The following PHACTR3 variants were observed in gnomAD, a reference collection of about 807,000 sequenced individuals.
The protein encoded by PHACTR3 is phosphatase and actin regulator 3, also known as protein phosphatase 1, regulatory subunit 123.
Under a neutral mutation model 66.8 loss-of-function variants are expected in PHACTR3, and 16 were observed. That is an observed-to-expected ratio of 0.24 (90% confidence interval 0.16 to 0.36). The LOEUF (loss-of-function observed/expected upper bound fraction) is 0.36, where lower values mean the gene tolerates loss of function less well. Ranked by LOEUF, PHACTR3 falls within the 10% of genes least tolerant of loss-of-function variation. The pLI, the probability that PHACTR3 is intolerant of heterozygous loss-of-function variation, is 1.00. For missense variants in PHACTR3, 647 were observed against 719.9 expected (o/e 0.90, Z 1.16); for synonymous variants, 323 against 292.1 (o/e 1.11, Z -1.08).
intron 1 of PHACTR3, among the ~76,000 whole-genome samples, chr20:59,723,274 T>C (rs1397445312): frequency 6.6e-6 from 1 of 151,896 alleles, no homozygotes; most frequent in Non-Finnish European, 1.5e-5. Flanking sequence ...CCATGTCCAT[T>C]AAGTGCTCCC....
At chr20:59,695,905 G>T (rs1202248665) in intron 1 of PHACTR3, among the ~76,000 whole-genome samples, 1 of 151,982 alleles carries the variant, frequency 6.6e-6, no homozygotes, top group East Asian at 1.9e-4. Flanking sequence ...GCTAATTTCT[G>T]TATGTTTACT....
In PHACTR3 at chr20:59,674,019, C is replaced by T. The variant is rs535843486; in HGVS notation, c.118+68887C>T. On this transcript the variant is annotated intron_variant, in intron 1 of 12. Coordinates refer to ENST00000371015, the MANE Select transcript of PHACTR3 (RefSeq NM_080672.5). ...GCGCTGGTCTCCAGACCTGCCTGCC[C>T]GAGGAGTCGAGCTTCTGATGAAATT... is the stretch of plus-strand genomic sequence containing the variant. 3.2e-4 allele frequency among the ~76,000 whole-genome samples: 49 copies of T among 152,178 alleles called. No homozygotes were observed. In the South Asian group the frequency reaches 9.8e-3, roughly 30 times the overall value.
At chr20:59,813,065 C>T (rs1034637150) in intron 8 of PHACTR3, among the ~76,000 whole-genome samples, 80 of 152,282 alleles carry the variant, frequency 5.3e-4, no homozygotes, top group African/African-American at 1.7e-3. Context: ...GGCCAGTTTC[C>T]GGTGAATGTT....
chr20:59,604,976 C>A lies in PHACTR3; in HGVS notation c.-39C>A. On this transcript the variant is annotated 5_prime_UTR_variant, in exon 1 of 13. Transcript: ENST00000371015. Reference sequence around the variant, plus strand: ...GGCCGCCTCGGATGCTCTGATTCCACGCGGCTCGCTCTAACTTGCCCCCGC... The same window carrying A: ...GGCCGCCTCGGATGCTCTGATTCCAAGCGGCTCGCTCTAACTTGCCCCCGC... 1 of 1,263,586 alleles carries A rather than the reference C, an allele frequency of 7.9e-7. No individual in the cohort carries two copies. The allele number at this position is 1,263,586 out of a possible 1,614,324, so 78.3% of individuals were successfully genotyped here. A position where few individuals can be genotyped will look rare whatever the true frequency, so the allele number is the denominator to read the frequency against.
chr20:59,700,649 A>G (rs2037468782), intron 1 of PHACTR3, among the ~76,000 whole-genome samples: 1 of 152,322 alleles, frequency 6.6e-6, no homozygotes, highest in Non-Finnish European at 1.5e-5. Flanking sequence ...CTTACATGGT[A>G]TGAGAGTGAG....
chr20:59,822,767 C>G (rs904926270), intron 8 of PHACTR3, among the ~76,000 whole-genome samples: 1 of 152,234 alleles, frequency 6.6e-6, no homozygotes, highest in African/African-American at 2.4e-5. Context: ...ACCCTGCCTC[C>G]AGCTCCCAGC....
intron 5 of PHACTR3, among the ~76,000 whole-genome samples, chr20:59,767,775 C>T (rs1185672362): frequency 6.6e-6 from 1 of 152,014 alleles, no homozygotes; most frequent in Non-Finnish European, 1.5e-5. Context: ...CTTGGCTTGG[C>T]TTTTCTTTTT....
rs1459819686 is a variant in PHACTR3 at position 59,747,739 on chromosome 20, G to T, written c.281-19G>T. ...ACACCTTTGCCTGAGACTCACCTGTGTGTTTGTGTGTTGGGCAGCGCTGGA... is the reference window on the plus strand; with the variant it reads ...ACACCTTTGCCTGAGACTCACCTGTTTGTTTGTGTGTTGGGCAGCGCTGGA... On this transcript the variant is annotated intron_variant, in intron 2 of 12. Transcript: ENST00000371015. The T allele has an allele frequency of 1.9e-6, 3 of 1,612,896 alleles. No homozygotes were observed. Among genetic ancestry groups the T allele is most frequent in the African/African-American group, 1.3e-5 (1 of 74,930 alleles).
chr20:59,724,079 G>A (rs538842054), intron 1 of PHACTR3, among the ~76,000 whole-genome samples: 17 of 152,236 alleles, frequency 1.1e-4, no homozygotes, highest in African/African-American at 3.9e-4. Context: ...GCAGCTGCCC[G>A]GCCATAGTGC....
intron 1 of PHACTR3, among the ~76,000 whole-genome samples, chr20:59,739,267 C>T (rs2039064574): frequency 6.6e-6 from 1 of 152,122 alleles, no homozygotes; most frequent in Admixed American, 6.5e-5. Context: ...CAAGACATTC[C>T]TGGGCTTGTC....
intron 7 of PHACTR3, among the ~76,000 whole-genome samples, chr20:59,785,588 G>T (rs1465528803): frequency 6.6e-6 from 1 of 152,198 alleles, no homozygotes; most frequent in East Asian, 1.9e-4. Flanking sequence ...GGAGGAAGCG[G>T]GAGATGATTC....
At position 59,732,435 on chromosome 20, in the gene PHACTR3, A is replaced by G. The variant is rs577071826; in HGVS notation, c.119-10672A>G. Reference sequence around the variant, plus strand: ...AGGTTTTGGTGGCCTCCCTTTGGGCATTAAAATATAAGTTCTCCTAAAATT... The same window carrying G: ...AGGTTTTGGTGGCCTCCCTTTGGGCGTTAAAATATAAGTTCTCCTAAAATT... On this transcript the variant is annotated intron_variant, in intron 1 of 12. Transcript: ENST00000371015. 1.2e-4 allele frequency among the ~76,000 whole-genome samples: 19 copies of G among 152,318 alleles called. 1 individual carries two copies. Among genetic ancestry groups the G allele is most frequent in the Middle Eastern group, 3.4e-3 (1 of 294 alleles).
chr20:59,700,048 A>G (rs1483400546), intron 1 of PHACTR3, among the ~76,000 whole-genome samples: 2 of 152,246 alleles, frequency 1.3e-5, no homozygotes, highest in Non-Finnish European at 2.9e-5. Context: ...TCCCTGAGGC[A>G]ACCACTGTTA....
At chr20:59,767,093 TC>T in intron 4 of PHACTR3, 92 bp from the exon 5 acceptor site, 4 of 1,295,304 alleles carry the variant, frequency 3.1e-6, no homozygotes, top group Middle Eastern at 4.0e-4. Context: ...CTCTTCACGA[TC>T]CCATCCCACC....
At chr20:59,769,070 G>A (rs1204300356) in intron 5 of PHACTR3, among the ~76,000 whole-genome samples, 1 of 152,232 alleles carries the variant, frequency 6.6e-6, no homozygotes, top group Non-Finnish European at 1.5e-5. Context: ...CTCCCTGACA[G>A]AACATTCTCC....
chr20:59,632,232 A>T (rs1427776922), intron 1 of PHACTR3, among the ~76,000 whole-genome samples: 1 of 152,060 alleles, frequency 6.6e-6, no homozygotes, highest in Admixed American at 6.5e-5. Context: ...AAGCTAGGGG[A>T]GGTCCTAGTA....
At chr20:59,688,412 C>G (rs543733530) in intron 1 of PHACTR3, among the ~76,000 whole-genome samples, 1 of 152,320 alleles carries the variant, frequency 6.6e-6, no homozygotes, top group East Asian at 1.9e-4. Context: ...TCTCCTTCAT[C>G]CCAAACATCT....
At chr20:59,770,099 G>A (rs1248954921) in intron 5 of PHACTR3, among the ~76,000 whole-genome samples, 1 of 152,170 alleles carries the variant, frequency 6.6e-6, no homozygotes, top group Non-Finnish European at 1.5e-5. Context: ...AGCCTCAGAT[G>A]GCACAGGTCT....
At chr20:59,615,666 G>A (rs6070866) in intron 1 of PHACTR3, among the ~76,000 whole-genome samples, 56,657 of 152,020 alleles carry the variant, frequency 0.37, 11,258 homozygotes, top group Middle Eastern at 0.46. Flanking sequence ...GCTCTTCTCC[G>A]TGCATCTCTT....
Sources: gnomAD v4.1 joint callset for allele counts (sites outside exome capture counted in the v4.1 genomes callset) on GRCh38, gnomAD v4.1.1 for gene constraint, MANE v1.5 for transcripts, NCBI Gene and HGNC (gene_info 2026-07-23, HGNC 2026-07-21) for gene names.